The following CAMK2D variants were observed in gnomAD, a reference collection of about 807,000 sequenced individuals.
CAMK2D encodes calcium/calmodulin dependent protein kinase II delta.
A neutral mutation model predicts 84.0 loss-of-function variants in CAMK2D; 37 were observed. That is an observed-to-expected ratio of 0.44 (90% CI 0.34 to 0.58). The LOEUF is 0.58. Ranked by LOEUF, CAMK2D falls within the 20% of genes least tolerant of loss-of-function variation. CAMK2D has a pLI of 0.02. For synonymous variants in CAMK2D, 202 were observed against 212.5 expected, an observed-to-expected ratio of 0.95 and a Z score of 0.43; for missense variants, 448 against 652.5, an observed-to-expected ratio of 0.69 and a Z score of 3.41.
intron 16 of CAMK2D, among the ~76,000 whole-genome samples, chr4:113,496,907 T>G (rs1015726280): frequency 6.6e-6 from 1 of 152,170 alleles, no homozygotes; most frequent in African/African-American, 2.4e-5. Context: ...CACATTGCCT[T>G]GGAGAAAGAA....
intron 2 of CAMK2D, among the ~76,000 whole-genome samples, chr4:113,726,670 T>C (rs966418425): frequency 6.6e-6 from 1 of 151,964 alleles, no homozygotes; most frequent in Non-Finnish European, 1.5e-5. Context: ...CCTCCCAAAG[T>C]GCTGGGATTA....
At chr4:113,535,322 T>C (rs886227686) in intron 7 of CAMK2D, among the ~76,000 whole-genome samples, 5 of 152,164 alleles carry the variant, frequency 3.3e-5, no homozygotes, top group African/African-American at 1.2e-4. Flanking sequence ...CTGATCTGTA[T>C]GTTATTTGGA....
chr4:113,477,126 C>A (rs2097637898), intron 16 of CAMK2D, among the ~76,000 whole-genome samples: 1 of 152,142 alleles, frequency 6.6e-6, no homozygotes, highest in Non-Finnish European at 1.5e-5. Context: ...GTGTATTGGC[C>A]TTATCTGTAC....
intron 2 of CAMK2D, among the ~76,000 whole-genome samples, chr4:113,756,963 CAGG>C (rs561087685): frequency 1.3e-4 from 20 of 152,110 alleles, no homozygotes; most frequent in South Asian, 8.3e-4. Flanking sequence ...TGTAATTTTT[CAGG>C]AGAACAATAA....
chr4:113,564,101 G>C (rs1349500943), intron 4 of CAMK2D, among the ~76,000 whole-genome samples: 1 of 152,104 alleles, frequency 6.6e-6, no homozygotes, highest in Non-Finnish European at 1.5e-5. Flanking sequence ...TATATTAAGA[G>C]TTTTTATACT....
At chr4:113,595,692 G>A (rs1196708456) in intron 4 of CAMK2D, among the ~76,000 whole-genome samples, 1 of 152,104 alleles carries the variant, frequency 6.6e-6, no homozygotes, top group Non-Finnish European at 1.5e-5. Flanking sequence ...CTATACCATG[G>A]TCTATTAAAT....
chr4:113,694,668 C>T (rs1233500253), intron 2 of CAMK2D, among the ~76,000 whole-genome samples: 1 of 152,024 alleles, frequency 6.6e-6, no homozygotes, highest in African/African-American at 2.4e-5. Context: ...GTGCTTCATC[C>T]CATCCATATA....
intron 2 of CAMK2D, among the ~76,000 whole-genome samples, chr4:113,715,598 C>T (rs1021850630): frequency 6.6e-6 from 1 of 152,150 alleles, no homozygotes; most frequent in African/African-American, 2.4e-5. Flanking sequence ...TCTCATCTTA[C>T]TAGATGTTAT....
chr4:113,687,873 G>C (rs960575061), intron 2 of CAMK2D, among the ~76,000 whole-genome samples: 3 of 152,088 alleles, frequency 2.0e-5, no homozygotes, highest in African/African-American at 7.2e-5. Flanking sequence ...AGAGAATCTT[G>C]TGCAAACATT....
intron 4 of CAMK2D, among the ~76,000 whole-genome samples, chr4:113,599,876 AGAG>A (rs1317376328): frequency 1.5e-5 from 2 of 137,018 alleles, no homozygotes; most frequent in Admixed American, 1.8e-4. Flanking sequence ...AGAAGACTGA[AGAG>A]GAGGAGGAGG....
chr4:113,747,522 T>C (rs1223992091), intron 2 of CAMK2D, among the ~76,000 whole-genome samples: 4 of 152,112 alleles, frequency 2.6e-5, no homozygotes, highest in African/African-American at 7.2e-5. Context: ...TTTTTAGATA[T>C]CTTAGTTTTG....
intron 3 of CAMK2D, among the ~76,000 whole-genome samples, chr4:113,629,785 TAAAAA>T (rs75795050): frequency 1.5e-5 from 2 of 132,650 alleles, no homozygotes; most frequent in African/African-American, 5.5e-5. Flanking sequence ...ATGTTCTTGG[TAAAAA>T]AAAAAAAAAA....
intron 2 of CAMK2D, among the ~76,000 whole-genome samples, chr4:113,742,058 T>C (rs1173502922): frequency 1.3e-5 from 2 of 152,212 alleles, no homozygotes; most frequent in South Asian, 2.1e-4. Context: ...TCTATCCAAA[T>C]GCCTTTTCCC....
chr4:113,559,605 T>C (rs922905214), intron 4 of CAMK2D, among the ~76,000 whole-genome samples: 1 of 152,270 alleles, frequency 6.6e-6, no homozygotes, highest in African/African-American at 2.4e-5. Flanking sequence ...AGGCTGAACC[T>C]TCCTGTGCAT....
intron 2 of CAMK2D, among the ~76,000 whole-genome samples, chr4:113,704,345 C>G (rs2099433904): frequency 6.6e-6 from 1 of 151,882 alleles, no homozygotes; most frequent in South Asian, 2.1e-4. Flanking sequence ...CTGGGATATT[C>G]TGGCATATTT....
rs1011650466 is a variant in CAMK2D at position 113,666,161 on chromosome 4, C to T, written c.161-4389G>A. ...CTAGCCCTGATTCACTTTCACTCAA[C>T]GATAGAAATATCACTAAAGCTACAT... On this transcript the variant is annotated intron_variant, in intron 2 of 20. Coordinates refer to ENST00000511664, the MANE Select transcript of CAMK2D (RefSeq NM_001321571.2). Among the ~76,000 whole-genome samples, 9 of 152,206 alleles carry T rather than the reference C, an allele frequency of 5.9e-5. No homozygotes were observed. The East Asian group carries it at 7.7e-4, about 13-fold the overall frequency.
chr4:113,462,123 C>T (rs2097383734), intron 17 of CAMK2D, among the ~76,000 whole-genome samples: 1 of 152,072 alleles, frequency 6.6e-6, no homozygotes, highest in African/African-American at 2.4e-5. Context: ...CTATTACTTC[C>T]TCTATAAATA....
chr4:113,683,561 T>C (rs2099351744), intron 2 of CAMK2D, among the ~76,000 whole-genome samples: 1 of 152,138 alleles, frequency 6.6e-6, no homozygotes, highest in Non-Finnish European at 1.5e-5. Context: ...TTTACAACAA[T>C]GCATAAAAGA....
Position 113,503,702 on chromosome 4 carries a change from T to C in CAMK2D, c.1045-725A>G, listed in dbSNP as rs72905942. Among the ~76,000 whole-genome samples the C allele has an allele frequency of 3.8e-3, 580 of 152,344 alleles. 4 individuals are homozygous for C. Among genetic ancestry groups the C allele is most frequent in the African/African-American group, 0.013 (540 of 41,578 alleles). On this transcript the variant is annotated intron_variant, in intron 14 of 20. Transcript: ENST00000511664. ...TACTTTATGGACTATATATACAGGA[T>C]ATCTGGCTATAAAGTCATGCTTTTT... is the stretch of plus-strand genomic sequence containing the variant.
Sources: allele counts gnomAD v4.1 joint callset (sites outside exome capture counted in the v4.1 genomes callset), GRCh38; gene constraint gnomAD v4.1.1; transcripts MANE v1.5; gene names NCBI Gene and HGNC (gene_info 2026-07-23, HGNC 2026-07-21).